Variants in OPA1 observed in about 807,000 individuals in gnomAD.
OPA1 encodes the protein dynamin-like GTPase OPA1, mitochondrial.
In OPA1, 59 loss-of-function variants were observed where a neutral mutation model predicts 152.9. That is an observed-to-expected ratio of 0.39 (90% CI 0.31 to 0.48). OPA1 has a LOEUF of 0.48. OPA1 is among the 20% of genes least tolerant of loss of function. The probability of loss-of-function intolerance (pLI) is 0.96; values close to 1 mark genes in which losing one functional copy is unlikely to be tolerated. For synonymous variants in OPA1, 400 were observed against 389.9 expected, an observed-to-expected ratio of 1.03 and a Z score of -0.31; for missense variants, 1,008 against 1,216.8, an observed-to-expected ratio of 0.83 and a Z score of 2.55.
At chr3:193,643,306 C>CA (rs1035804635) in intron 13 of OPA1, 67 bp from the exon 14 acceptor site, 82 of 1,316,424 alleles carry the variant, frequency 6.2e-5, no homozygotes, top group Non-Finnish European at 7.7e-5. Context: ...TACATTTCAC[C>CA]AAAAAAAATT....
chr3:193,663,411 A>G (rs1385679092), intron 26 of OPA1, among the ~76,000 whole-genome samples: 1 of 152,164 alleles, frequency 6.6e-6, no homozygotes, highest in Non-Finnish European at 1.5e-5. Context: ...TAAATTGGAT[A>G]TGACCATTGA....
rs1733592431 is a variant in OPA1 at position 193,640,349 on chromosome 3, A to G, written c.1149+2284A>G. 1.3e-5 allele frequency among the ~76,000 whole-genome samples: 2 copies of G among 152,296 alleles called. 1 individual carries two copies. The highest frequency in any genetic ancestry group is 6.8e-3 in the Middle Eastern group (2 of 294). On this transcript the variant is annotated intron_variant, in intron 11 of 30. Coordinates refer to ENST00000361510, the MANE Select transcript of OPA1 (RefSeq NM_130837.3). ...AGTAAGAGGGAAAGCAGAGCAGGAC[A>G]GTGTGCGCAAAGTCAGGTAAACAAA... is the stretch of plus-strand genomic sequence containing the variant.
intron 11 of OPA1, among the ~76,000 whole-genome samples, chr3:193,640,032 G>A (rs1173201677): frequency 6.6e-6 from 1 of 152,136 alleles, no homozygotes; most frequent in Non-Finnish European, 1.5e-5. Context: ...CAGTGGATCA[G>A]GTTTGGGGGA....
At chr3:193,608,425 A>G (rs904524694) in intron 1 of OPA1, among the ~76,000 whole-genome samples, 2 of 152,328 alleles carry the variant, frequency 1.3e-5, no homozygotes, top group Non-Finnish European at 2.9e-5. Flanking sequence ...TTGGTTTCAA[A>G]GAACATCTTT....
chr3:193,627,772 G>T (rs1341538551), intron 7 of OPA1, among the ~76,000 whole-genome samples: 6 of 152,046 alleles, frequency 3.9e-5, no homozygotes, highest in African/African-American at 1.4e-4. Context: ...GCCTACTTTA[G>T]TAGCCTTTAT....
chr3:193,670,732 A>C (rs760087682), intron 29 of OPA1, among the ~76,000 whole-genome samples: 2 of 152,178 alleles, frequency 1.3e-5, no homozygotes, highest in East Asian at 3.9e-4. Context: ...CCTGGAGAAG[A>C]TATACTGTGT....
intron 6 of OPA1, among the ~76,000 whole-genome samples, chr3:193,620,543 A>G (rs1281627035): frequency 6.6e-6 from 1 of 152,148 alleles, no homozygotes; most frequent in Non-Finnish European, 1.5e-5. Context: ...TTGTTTGACA[A>G]TACATGTCCT....
chr3:193,631,810 G>A (rs546931026), intron 8 of OPA1, 145 bp downstream of exon 8: 8 of 699,158 alleles, frequency 1.1e-5, no homozygotes, highest in African/African-American at 3.6e-5. Flanking sequence ...AGATGCAAAA[G>A]CTAATTGAGA....
At chr3:193,619,915 G>T (rs778210171) in intron 6 of OPA1, among the ~76,000 whole-genome samples, 10 of 152,020 alleles carry the variant, frequency 6.6e-5, no homozygotes, top group African/African-American at 2.2e-4. Context: ...TATTTCAAAA[G>T]ATTTTTTTCT....
At chr3:193,609,096 ACT>A (rs1211116256) in intron 1 of OPA1, among the ~76,000 whole-genome samples, 1 of 151,254 alleles carries the variant, frequency 6.6e-6, no homozygotes, top group African/African-American at 2.4e-5. Context: ...CCTATGTGTG[ACT>A]CTGCACGTGA....
chr3:193,682,573 C>A (rs1720325898), intron 29 of OPA1, among the ~76,000 whole-genome samples: 1 of 152,122 alleles, frequency 6.6e-6, no homozygotes, highest in Non-Finnish European at 1.5e-5. Context: ...GGTGCCAATG[C>A]AGCAGGTGCC....
intron 16 of OPA1, 99 bp downstream of exon 16, chr3:193,644,204 A>C (rs539439673): frequency 7.6e-7 from 1 of 1,321,266 alleles, no homozygotes; most frequent in African/African-American, 1.5e-5. Flanking sequence ...CAACAAAAAA[A>C]CACCTTACAA....
chr3:193,657,842 G>A (rs978889128), intron 23 of OPA1, among the ~76,000 whole-genome samples: 3 of 152,166 alleles, frequency 2.0e-5, no homozygotes, highest in African/African-American at 7.2e-5. Context: ...AATCTGTTAA[G>A]TGCCTGCTGT....
chr3:193,655,119 ATCTT>A, intron 22 of OPA1, 92 bp downstream of exon 22: 1 of 1,195,248 alleles, frequency 8.4e-7, no homozygotes, highest in Non-Finnish European at 1.2e-6. Flanking sequence ...CACAGCCTCT[ATCTT>A]TCTTTTAGGT....
At chr3:193,636,550 T>C (rs937816661) in intron 9 of OPA1, among the ~76,000 whole-genome samples, 1 of 151,790 alleles carries the variant, frequency 6.6e-6, no homozygotes, top group African/African-American at 2.4e-5. Context: ...CAGGCCTGTG[T>C]ATTTTTTTGT....
chr3:193,656,752 C>G (rs1713930045), intron 22 of OPA1, among the ~76,000 whole-genome samples: 1 of 152,036 alleles, frequency 6.6e-6, no homozygotes, highest in African/African-American at 2.4e-5. Context: ...ATGGGTATAT[C>G]CTTCTCAGTT....
At chr3:193,680,440 T>C (rs890940744) in intron 29 of OPA1, among the ~76,000 whole-genome samples, 3 of 152,248 alleles carry the variant, frequency 2.0e-5, no homozygotes, top group Non-Finnish European at 2.9e-5. Flanking sequence ...CTCTTTCTTA[T>C]GCTGGGAACA....
At chr3:193,677,948 C>A (rs1334231294) in intron 29 of OPA1, among the ~76,000 whole-genome samples, 1 of 152,184 alleles carries the variant, frequency 6.6e-6, no homozygotes, top group Non-Finnish European at 1.5e-5. Flanking sequence ...ACAGTGAATT[C>A]TCATATCCTG....
chr3:193,673,973 C>T (rs1043489615), intron 29 of OPA1, among the ~76,000 whole-genome samples: 2 of 152,234 alleles, frequency 1.3e-5, no homozygotes, highest in African/African-American at 4.8e-5. Flanking sequence ...GCTCTGCTGA[C>T]TCCCTACGCG....
Sources: gnomAD v4.1 joint callset for allele counts (sites outside exome capture counted in the v4.1 genomes callset) on GRCh38, gnomAD v4.1.1 for gene constraint, MANE v1.5 for transcripts, NCBI Gene and HGNC (gene_info 2026-07-23, HGNC 2026-07-21) for gene names.